The following F11 variants were observed in gnomAD, a reference collection of about 807,000 sequenced individuals.
The protein encoded by F11 is coagualtion factor XI.
F11 carries 78 observed loss-of-function variants against 76.5 expected under a neutral mutation model. The ratio of observed to expected loss-of-function variants is 1.02; its 90% confidence interval spans 0.85 to 1.23. F11 has a LOEUF of 1.23. Among genes scored for constraint, F11 ranks in the 50% most tolerant of loss-of-function variants. The pLI, the probability that F11 is intolerant of heterozygous loss-of-function variation, is 0.00. For synonymous variants in F11, 278 were observed against 276.3 expected, an observed-to-expected ratio of 1.01 and a Z score of -0.06; for missense variants, 742 against 771.4, an observed-to-expected ratio of 0.96 and a Z score of 0.45.
At chr4:186,288,050 G>A (rs927252324) in intron 14 of F11, among the ~76,000 whole-genome samples, 8 of 151,180 alleles carry the variant, frequency 5.3e-5, no homozygotes, top group East Asian at 1.9e-4. Flanking sequence ...GACTACAGGC[G>A]CCAGCTACCA....
At position 186,288,990 on chromosome 4, in the gene F11, T is replaced by G; in HGVS notation, c.*376T>G. 1 of 279,410 alleles carries G rather than the reference T, an allele frequency of 3.6e-6. No individual in the cohort carries two copies. The highest frequency in any genetic ancestry group is 4.0e-5 in the South Asian group (1 of 25,118). 17.3% of individuals were successfully genotyped at this position (279,410 alleles called of 1,614,324 possible). ...AGCCACCATAAATAGATTTGTTCGATGAAAGATGAAAACTGGAAGAAAGGA... is the reference window on the plus strand; with the variant it reads ...AGCCACCATAAATAGATTTGTTCGAGGAAAGATGAAAACTGGAAGAAAGGA... On this transcript the variant is annotated 3_prime_UTR_variant, in exon 15 of 15. Transcript: ENST00000403665.
chr4:186,286,654 A>G, intron 13 of F11, 144 bp downstream of exon 13: 1 of 1,487,254 alleles, frequency 6.7e-7, no homozygotes. Flanking sequence ...GAGAGGCAAA[A>G]ATCACCCAAG....
chr4:186,275,403 G>A (rs1358472706), intron 5 of F11, among the ~76,000 whole-genome samples: 1 of 152,200 alleles, frequency 6.6e-6, no homozygotes, highest in Non-Finnish European at 1.5e-5. Flanking sequence ...GCTGAGACAA[G>A]AGAATCGCTT....
At chr4:186,272,077 A>C (rs964858918) in intron 3 of F11, among the ~76,000 whole-genome samples, 1 of 152,094 alleles carries the variant, frequency 6.6e-6, no homozygotes, top group African/African-American at 2.4e-5. Context: ...ATCGATTATT[A>C]ATTTTTGTCG....
Position 186,275,763 on chromosome 4 carries a change from CT to C in F11, c.486-20del, listed in dbSNP as rs763734062. On this transcript the variant is annotated intron_variant, in intron 5 of 14. Transcript: ENST00000403665. ...TCCTTGCAGTTGGAAGAATAAGACA[CT>C]TTTCCTTTTTCTTTTTATTCAGTAA... 15 of 1,541,388 alleles carry C rather than the reference CT, an allele frequency of 9.7e-6. No individual in the cohort carries two copies. The Admixed American group carries it at 2.6e-4, about 26-fold the overall frequency.
intron 11 of F11, 101 bp downstream of exon 11, chr4:186,284,361 C>G: frequency 4.2e-6 from 5 of 1,203,156 alleles, no homozygotes; most frequent in Non-Finnish European, 6.0e-6. Context: ...ATTAGATTGT[C>G]TTATTTGCAA....
intron 13 of F11, 39 bp from the exon 14 acceptor site, chr4:186,287,645 A>G (rs773915612): frequency 1.1e-4 from 160 of 1,481,966 alleles, no homozygotes; most frequent in Non-Finnish European, 1.4e-4. Context: ...TGTATTGTGT[A>G]TGGTTATTCT....
At chr4:186,276,139 A>T (rs1239972248) in intron 6 of F11, 92 bp from the exon 7 acceptor site, 1 of 1,469,000 alleles carries the variant, frequency 6.8e-7, no homozygotes, top group Non-Finnish European at 9.4e-7. Context: ...GATACACTTA[A>T]ATTTTTTAAT....
Position 186,289,505 on chromosome 4 carries a change from G to A in F11, c.*891G>A, listed in dbSNP as rs1334503227. ...GAGAAAAAACAATTAGGGCGCAAAT[G>A]GATAGTTACAGTAAAGTCTTCAGCA... On this transcript the variant is annotated 3_prime_UTR_variant, in exon 15 of 15. Transcript: ENST00000403665. Among the ~76,000 whole-genome samples the A allele has an allele frequency of 2.6e-5, 4 of 152,072 alleles. No homozygotes were observed. The highest frequency in any genetic ancestry group is 4.4e-5 in the Non-Finnish European group (3 of 68,020).
At chr4:186,282,547 C>A (rs1740882367) in intron 10 of F11, 1 of 985,138 alleles carries the variant, frequency 1.0e-6, no homozygotes, top group African/African-American at 1.7e-5. Context: ...TGATTCTAAA[C>A]ACATATTTTC....
In F11 at chr4:186,288,721, G is replaced by A; in HGVS notation, c.*107G>A. ...CTTCCTCCACAGTAACACGCTGAAG[G>A]GGCTTGGTGTTTGTAAGAAAATGCT... On this transcript the variant is annotated 3_prime_UTR_variant, in exon 15 of 15. Transcript: ENST00000403665. The A allele has an allele frequency of 8.0e-7, 1 of 1,256,988 alleles. No homozygotes were observed. 77.9% of individuals were successfully genotyped at this position (1,256,988 alleles called of 1,614,324 possible). A position where few individuals can be genotyped will look rare whatever the true frequency, so the allele number is the denominator to read the frequency against.
At chr4:186,277,996 G>C (rs774673616) in intron 7 of F11, among the ~76,000 whole-genome samples, 1 of 151,940 alleles carries the variant, frequency 6.6e-6, no homozygotes, top group African/African-American at 2.4e-5. Flanking sequence ...ACAGAGTTTC[G>C]CCATGTTGGC....
At position 186,274,120 on chromosome 4, in the gene F11, C is replaced by A. The variant is rs776296885; in HGVS notation, c.330C>A (p.Cys110Ter). Residue 110 changes from cysteine to a stop codon, truncating the protein, a stop_gained, in exon 5 of 15, where the codon TGC becomes TGA. Coordinates refer to ENST00000403665, the MANE Select transcript of F11 (RefSeq NM_000128.4). LOFTEE classifies it high-confidence loss of function. Reference sequence around the variant, plus strand: ...GTCTTCTGCTTTTATTTCCAGCTTGCAACAAAGACATTTATGTGGACCTAG... The same window carrying A: ...GTCTTCTGCTTTTATTTCCAGCTTGAAACAAAGACATTTATGTGGACCTAG... ...FKQCSHQISACNKDIYVDLDM... is the reference protein window; with the variant it reads ...FKQCSHQISA The A allele has an allele frequency of 6.2e-7, 1 of 1,613,996 alleles. No individual in the cohort carries two copies. Among genetic ancestry groups the A allele is most frequent in the South Asian group, 1.1e-5 (1 of 91,086 alleles).
chr4:186,280,361 C>A lies in F11; in HGVS notation c.1004C>A (p.Ala335Asp). The A allele has an allele frequency of 6.2e-7, 1 of 1,614,192 alleles. No homozygotes were observed. The highest frequency in any genetic ancestry group is 8.5e-7 in the Non-Finnish European group (1 of 1,180,038). Residue 335 changes from alanine to aspartate, a missense_variant, in exon 9 of 15, where the codon GCC becomes GAC. Transcript: ENST00000403665. The stretch of plus-strand genomic sequence containing the variant: ...TGCCAGTTTTTTACCTATACCCCAG[C>A]CCAAGCATCCTGCAACGAAGGGAAG... Reference protein sequence around the residue: ...VRCQFFTYTPAQASCNEGKGK... With the variant: ...VRCQFFTYTPDQASCNEGKGK...
intron 2 of F11, 151 bp from the exon 3 acceptor site, chr4:186,271,458 C>A: frequency 1.2e-6 from 1 of 821,432 alleles, no homozygotes. Context: ...ATTCAATAAA[C>A]TCACATAAAA....
intron 4 of F11, 109 bp downstream of exon 4, chr4:186,273,286 C>T: frequency 1.1e-6 from 1 of 872,922 alleles, no homozygotes; most frequent in Non-Finnish European, 1.9e-6. Context: ...TGGAAATAAA[C>T]CCCCTTAATG....
rs4253862 is a variant in F11, at chr4:186,287,900, GT to G, written c.1716+85del. ...GCGTTGGGGTTTTTTTGTTTGTTTTGTTTTTTTTGTTTGTTTTTTTTTGAGA... is the reference window on the plus strand; with the variant it reads ...GCGTTGGGGTTTTTTTGTTTGTTTTGTTTTTTTGTTTGTTTTTTTTTGAGA... On this transcript the variant is annotated intron_variant, in intron 14 of 14. Transcript: ENST00000403665. 3.3e-5 allele frequency: 51 copies of G among 1,523,768 alleles called. No homozygotes were observed. In the East Asian group the frequency reaches 3.6e-4, roughly 11 times the overall value. 94.4% of individuals were successfully genotyped at this position (1,523,768 alleles called of 1,614,324 possible).
intron 14 of F11, among the ~76,000 whole-genome samples, chr4:186,288,163 G>C (rs996211566): frequency 6.6e-6 from 1 of 151,808 alleles, no homozygotes; most frequent in Non-Finnish European, 1.5e-5. Context: ...CTGCCTGCCT[G>C]GGCCTCCCAA....
intron 10 of F11, among the ~76,000 whole-genome samples, chr4:186,281,326 C>G (rs1740786547): frequency 6.6e-6 from 1 of 152,146 alleles, no homozygotes; most frequent in African/African-American, 2.4e-5. Flanking sequence ...ACTGGAGCAC[C>G]TCCTTTTTAG....
Sources: gnomAD v4.1 joint callset for allele counts (sites outside exome capture counted in the v4.1 genomes callset) on GRCh38, gnomAD v4.1.1 for gene constraint, MANE v1.5 for transcripts, NCBI Gene and HGNC (gene_info 2026-07-23, HGNC 2026-07-21) for gene names.